Variants in FAM168B observed in about 807,000 individuals in gnomAD.
FAM168B encodes family with sequence similarity 168 member B.
Under a neutral mutation model 21.8 loss-of-function variants are expected in FAM168B, and 19 were observed. That is an observed-to-expected ratio of 0.87 (90% CI 0.61 to 1.28). The LOEUF (loss-of-function observed/expected upper bound fraction) is 1.28. FAM168B is among the 50% of genes most tolerant of loss of function. The probability of loss-of-function intolerance (pLI) is 0.00; values close to 1 mark genes in which losing one functional copy is unlikely to be tolerated. For missense variants in FAM168B, 233 were observed against 263.1 expected (o/e 0.89, Z 0.79); for synonymous variants, 126 against 104.8 (o/e 1.20, Z -1.24).
In FAM168B at chr2:131,051,142, C is replaced by G; in HGVS notation, c.*1323G>C. The G allele has an allele frequency of 1.0e-6, 1 of 985,414 alleles. No individual in the cohort carries two copies. The highest frequency in any genetic ancestry group is 1.1e-4 in the East Asian group (1 of 8,804). 61.0% of individuals were successfully genotyped at this position (985,414 alleles called of 1,614,324 possible). A position where few individuals can be genotyped will look rare whatever the true frequency, so the allele number is the denominator to read the frequency against. On this transcript the variant is annotated 3_prime_UTR_variant, in exon 7 of 7. Coordinates refer to ENST00000389915, the MANE Select transcript of FAM168B (RefSeq NM_001009993.4). ...GTGCTTGCTTTGTGCCAAGTGCCCT[C>G]AGCTGCAAAAGAGATGGCAGGAGAG...
intron 3 of FAM168B, among the ~76,000 whole-genome samples, chr2:131,061,682 T>G (rs1457143483): frequency 6.6e-6 from 1 of 151,132 alleles, no homozygotes; most frequent in African/African-American, 2.4e-5. Flanking sequence ...CTCGGGAAGC[T>G]GAGGTGGGAG....
chr2:131,077,162 A>T (rs1232534413), intron 2 of FAM168B, among the ~76,000 whole-genome samples: 2 of 151,606 alleles, frequency 1.3e-5, no homozygotes, highest in Non-Finnish European at 2.9e-5. Flanking sequence ...AAACTGGCTC[A>T]ATCAACTATG....
chr2:131,050,280 G>A lies in FAM168B; in HGVS notation c.*2185C>T, dbSNP rs1691578792. Reference sequence around the variant, plus strand: ...TACATGTATGTTTCCATTTTGTTGTGTGGGGCTTTTTAAAAGCATACACTA... The same window carrying A: ...TACATGTATGTTTCCATTTTGTTGTATGGGGCTTTTTAAAAGCATACACTA... On this transcript the variant is annotated 3_prime_UTR_variant, in exon 7 of 7. Transcript: ENST00000389915. The A allele has an allele frequency of 1.0e-6, 1 of 985,290 alleles. No individual in the cohort carries two copies. Among genetic ancestry groups the A allele is most frequent in the African/African-American group, 1.7e-5 (1 of 57,218 alleles). 61.0% of individuals were successfully genotyped at this position (985,290 alleles called of 1,614,324 possible). A position where few individuals can be genotyped will look rare whatever the true frequency, so the allele number is the denominator to read the frequency against.
chr2:131,083,469 G>C (rs898439253), intron 1 of FAM168B, among the ~76,000 whole-genome samples: 1 of 152,340 alleles, frequency 6.6e-6, no homozygotes, highest in African/African-American at 2.4e-5. Flanking sequence ...GAATCCAGGA[G>C]GTGGAGATTA....
At chr2:131,060,058 C>T (rs1377991726) in intron 3 of FAM168B, among the ~76,000 whole-genome samples, 1 of 151,450 alleles carries the variant, frequency 6.6e-6, no homozygotes, top group Non-Finnish European at 1.5e-5. Flanking sequence ...CTCGCTGTCT[C>T]GCTCTGTCAC....
At chr2:131,058,747 TC>T (rs1440935131) in intron 3 of FAM168B, among the ~76,000 whole-genome samples, 2 of 152,190 alleles carry the variant, frequency 1.3e-5, no homozygotes, top group Non-Finnish European at 2.9e-5. Context: ...CTCTGGCTGC[TC>T]ATCTCCTCGT....
intron 3 of FAM168B, among the ~76,000 whole-genome samples, chr2:131,071,039 G>A (rs936303508): frequency 6.6e-6 from 1 of 152,164 alleles, no homozygotes; most frequent in Non-Finnish European, 1.5e-5. Context: ...GGTCATATAG[G>A]GTCATAGTGG....
Position 131,048,820 on chromosome 2 carries a change from T to C in FAM168B, c.*3645A>G. Reference sequence around the variant, plus strand: ...AGCACCAGAGAGGAGGACCAGACGCTGCCACCCACCTCAAGCCACACCCCT... The same window carrying C: ...AGCACCAGAGAGGAGGACCAGACGCCGCCACCCACCTCAAGCCACACCCCT... On this transcript the variant is annotated 3_prime_UTR_variant, in exon 7 of 7. Transcript: ENST00000389915. 1 of 986,146 alleles carries C rather than the reference T, an allele frequency of 1.0e-6. No individual in the cohort carries two copies. Among genetic ancestry groups the C allele is most frequent in the Non-Finnish European group, 1.2e-6 (1 of 830,180 alleles). 61.1% of individuals were successfully genotyped at this position (986,146 alleles called of 1,614,324 possible).
chr2:131,061,466 C>T (rs1332755356), intron 3 of FAM168B, among the ~76,000 whole-genome samples: 1 of 151,772 alleles, frequency 6.6e-6, no homozygotes, highest in Non-Finnish European at 1.5e-5. Flanking sequence ...CACGGATCAC[C>T]ACACCCAAAC....
rs1298746358 is a variant in FAM168B at position 131,049,634 on chromosome 2, T to C, written c.*2831A>G. 1.0e-6 allele frequency: 1 copy of C among 985,464 alleles called. No homozygotes were observed. Among genetic ancestry groups the C allele is most frequent in the African/African-American group, 1.7e-5 (1 of 57,218 alleles). The allele number at this position is 985,464 out of a possible 1,614,324, so 61.0% of individuals were successfully genotyped here. ...ACTCCCCAAGCCTCAGGGGAGAAGG[T>C]GTAGAACAAATATTTTTTAAATAGC... On this transcript the variant is annotated 3_prime_UTR_variant, in exon 7 of 7. Coordinates refer to ENST00000389915, the MANE Select transcript of FAM168B (RefSeq NM_001009993.4).
intron 1 of FAM168B, among the ~76,000 whole-genome samples, chr2:131,083,191 T>C (rs969018926): frequency 6.6e-6 from 1 of 152,022 alleles, no homozygotes; most frequent in Admixed American, 6.6e-5. Flanking sequence ...CCGTCTCTAC[T>C]AAAAATACAA....
chr2:131,064,838 GA>G lies in FAM168B; in HGVS notation c.154+7016del, dbSNP rs1280724861. ...AAGGGAGGGCTTCAGAGATCACCAG[GA>G]AAACAACACACAAGTATCTGAAATT... On this transcript the variant is annotated intron_variant, in intron 3 of 6. Transcript: ENST00000389915. Among the ~76,000 whole-genome samples the G allele has an allele frequency of 1.4e-4, 21 of 152,264 alleles. No individual in the cohort carries two copies. The South Asian group carries it at 1.5e-3, about 11-fold the overall frequency.
At chr2:131,062,983 T>C (rs1692380277) in intron 3 of FAM168B, among the ~76,000 whole-genome samples, 1 of 152,198 alleles carries the variant, frequency 6.6e-6, no homozygotes, top group Non-Finnish European at 1.5e-5. Flanking sequence ...CAACTTACTC[T>C]GAAATGAAAC....
At chr2:131,083,882 T>G (rs1039564401) in intron 1 of FAM168B, among the ~76,000 whole-genome samples, 5 of 94,442 alleles carry the variant, frequency 5.3e-5, no homozygotes, top group African/African-American at 3.7e-4. Context: ...CTGTATTTAT[T>G]TATTTATTTA....
At chr2:131,090,163 A>AG (rs1432597944) in intron 1 of FAM168B, among the ~76,000 whole-genome samples, 1 of 150,232 alleles carries the variant, frequency 6.7e-6, no homozygotes, top group Non-Finnish European at 1.5e-5. Flanking sequence ...AAAAAAAAAA[A>AG]AAAAAAAATT....
intron 2 of FAM168B, among the ~76,000 whole-genome samples, chr2:131,081,912 G>A (rs1006921114): frequency 6.6e-6 from 1 of 152,104 alleles, no homozygotes; most frequent in South Asian, 2.1e-4. Flanking sequence ...AAGTTTTGGG[G>A]TTATCTCTTC....
Position 131,049,287 on chromosome 2 carries a change from C to T in FAM168B, c.*3178G>A, listed in dbSNP as rs1390317194. ...TATGCCCAGCTGGGGAAGGGCAAGACACTCACTGACCAGGTGCCCACCCCA... is the reference window on the plus strand; with the variant it reads ...TATGCCCAGCTGGGGAAGGGCAAGATACTCACTGACCAGGTGCCCACCCCA... On this transcript the variant is annotated 3_prime_UTR_variant, in exon 7 of 7. Coordinates refer to ENST00000389915, the MANE Select transcript of FAM168B (RefSeq NM_001009993.4). The T allele has an allele frequency of 4.1e-6, 4 of 985,376 alleles. No individual in the cohort carries two copies. The highest frequency in any genetic ancestry group is 4.7e-5 in the South Asian group (1 of 21,284). 61.0% of individuals were successfully genotyped at this position (985,376 alleles called of 1,614,324 possible). A position where few individuals can be genotyped will look rare whatever the true frequency, so the allele number is the denominator to read the frequency against.
chr2:131,085,078 C>T (rs1298933333), intron 1 of FAM168B, among the ~76,000 whole-genome samples: 20 of 152,146 alleles, frequency 1.3e-4, no homozygotes, highest in Admixed American at 9.8e-4. Context: ...AAGATTAAAA[C>T]AGCATGTGTG....
chr2:131,078,069 ACAT>A (rs1488511275), intron 2 of FAM168B, among the ~76,000 whole-genome samples: 4 of 152,228 alleles, frequency 2.6e-5, no homozygotes, highest in South Asian at 2.1e-4. Context: ...GCAAAAGAAG[ACAT>A]CATCAGTGAA....
Sources: gnomAD v4.1 joint callset for allele counts (sites outside exome capture counted in the v4.1 genomes callset) on GRCh38, gnomAD v4.1.1 for gene constraint, MANE v1.5 for transcripts, NCBI Gene and HGNC (gene_info 2026-07-23, HGNC 2026-07-21) for gene names.